ATXN7: variants seen among roughly 807,000 people sequenced by gnomAD.
ATXN7 encodes the protein ataxin 7.
Under a neutral mutation model 70.5 loss-of-function variants are expected in ATXN7, and 12 were observed. The observed-to-expected ratio is 0.17, with a 90% CI of 0.11 to 0.28. ATXN7 has a LOEUF of 0.28. Ranked by LOEUF, ATXN7 falls within the 10% of genes least tolerant of loss-of-function variation. ATXN7 has a pLI of 1.00. For missense variants in ATXN7, 1,256 were observed against 1,131.7 expected (o/e 1.11, Z -1.58); for synonymous variants, 498 against 448.7 (o/e 1.11, Z -1.39).
intron 4 of ATXN7, among the ~76,000 whole-genome samples, chr3:63,935,044 C>G (rs2074633274): frequency 6.6e-6 from 1 of 152,090 alleles, no homozygotes; most frequent in Admixed American, 6.6e-5. Context: ...TATAGAAAGC[C>G]CTGAGCACAG....
chr3:63,872,584 G>A (rs1237608211), intron 1 of ATXN7, among the ~76,000 whole-genome samples: 2 of 152,192 alleles, frequency 1.3e-5, no homozygotes, highest in African/African-American at 2.4e-5. Context: ...GCCATATTCT[G>A]CTAGTCAAAG....
chr3:63,964,532 C>T (rs113636304), intron 5 of ATXN7, among the ~76,000 whole-genome samples: 79 of 152,186 alleles, frequency 5.2e-4, no homozygotes, highest in Non-Finnish European at 2.1e-4. Flanking sequence ...CTGTGTAAAT[C>T]AGGCCATGAA....
chr3:63,978,967 A>G (rs868823562), intron 5 of ATXN7, among the ~76,000 whole-genome samples: 5 of 152,238 alleles, frequency 3.3e-5, no homozygotes, highest in African/African-American at 9.6e-5. Context: ...GATCACATGC[A>G]TTTTAAAACT....
chr3:63,963,335 C>T (rs1345221593), intron 5 of ATXN7, among the ~76,000 whole-genome samples: 1 of 152,108 alleles, frequency 6.6e-6, no homozygotes, highest in Non-Finnish European at 1.5e-5. Context: ...AATATATACA[C>T]CTATAACGTA....
chr3:63,950,131 G>C (rs953943390), intron 4 of ATXN7, among the ~76,000 whole-genome samples: 1 of 151,560 alleles, frequency 6.6e-6, no homozygotes, highest in Admixed American at 6.6e-5. Context: ...TATCTTTTTA[G>C]TTTTACTAGT....
At chr3:63,940,539 A>T (rs894181889) in intron 4 of ATXN7, among the ~76,000 whole-genome samples, 1 of 152,230 alleles carries the variant, frequency 6.6e-6, no homozygotes, top group Non-Finnish European at 1.5e-5. Flanking sequence ...TCATGAGATT[A>T]TAATCATAAC....
intron 5 of ATXN7, among the ~76,000 whole-genome samples, chr3:63,978,556 G>A (rs1225166760): frequency 2.0e-5 from 3 of 152,258 alleles, no homozygotes; most frequent in South Asian, 2.1e-4. Flanking sequence ...GAAAACTGCC[G>A]AACTGAATTT....
At chr3:63,999,145 C>T (rs1409242748) in intron 12 of ATXN7, 3 of 314,984 alleles carry the variant, frequency 9.5e-6, no homozygotes, top group Non-Finnish European at 1.8e-5. Flanking sequence ...TTCAAGGACA[C>T]AAAATCAGTA....
At chr3:63,905,903 A>G (rs893725222) in intron 2 of ATXN7, 2 of 152,208 alleles carry the variant, frequency 1.3e-5, no homozygotes, top group African/African-American at 4.8e-5. Context: ...GCCATAGATG[A>G]TGTCATTTAA....
chr3:63,892,822 T>G (rs1313051507), intron 1 of ATXN7, among the ~76,000 whole-genome samples: 2 of 152,174 alleles, frequency 1.3e-5, no homozygotes, highest in African/African-American at 4.8e-5. Context: ...AATGAAATGT[T>G]GCAGACCCAG....
In ATXN7 at chr3:63,945,914, A is replaced by G. The variant is rs1575933400; in HGVS notation, c.395-6465A>G. ...AAGTACCACACAGGATTCTGTGACG[A>G]GAGTGTGGTGTAGTTCAGGAACAAA... is the stretch of plus-strand genomic sequence containing the variant. On this transcript the variant is annotated intron_variant, in intron 4 of 12. Transcript: ENST00000674280. Among the ~76,000 whole-genome samples, 5 of 152,328 alleles carry G rather than the reference A, an allele frequency of 3.3e-5. No homozygotes were observed. In the South Asian group the frequency reaches 1.0e-3, roughly 32 times the overall value.
rs1553686136 is a variant in ATXN7 at position 63,912,714 on chromosome 3, A to AGCCGCAGCC, written c.121_122insAGCCGCCGC (p.Pro40_Pro41insGlnProPro). 968 of 1,212,626 alleles carry AGCCGCAGCC rather than the reference A, an allele frequency of 8.0e-4. 5 individuals are homozygous for AGCCGCAGCC. The African/African-American group carries it at 0.013, about 17-fold the overall frequency. 75.1% of individuals were successfully genotyped at this position (1,212,626 alleles called of 1,614,324 possible). Reference sequence around the variant, plus strand: ...CAGCAGCAGCAGCAGCAGCAGCAGCAGCCGCCGCCTCCGCAGCCCCAGCGG... The same window carrying AGCCGCAGCC: ...CAGCAGCAGCAGCAGCAGCAGCAGCAGCCGCAGCCGCCGCCGCCTCCGCAGCCCCAGCGG... On this transcript the variant is annotated inframe_insertion, in exon 3 of 13. Transcript: ENST00000674280.
intron 5 of ATXN7, among the ~76,000 whole-genome samples, chr3:63,956,614 A>T (rs568894559): frequency 6.6e-6 from 1 of 152,132 alleles, no homozygotes; most frequent in Admixed American, 6.5e-5. Flanking sequence ...GAACCCAGGA[A>T]TCTGCATTCT....
chr3:63,929,893 C>G (rs1378153532), intron 4 of ATXN7, among the ~76,000 whole-genome samples: 1 of 152,134 alleles, frequency 6.6e-6, no homozygotes, highest in Non-Finnish European at 1.5e-5. Flanking sequence ...CAGAGCCTGT[C>G]CCAGAACCCT....
At chr3:63,864,491 G>T (rs1307857049) in intron 1 of ATXN7, 1 of 152,120 alleles carries the variant, frequency 6.6e-6, no homozygotes, top group Non-Finnish European at 1.5e-5. Flanking sequence ...AAAGGCCCCG[G>T]GTTCCAGGTC....
chr3:63,912,922 C>T lies in ATXN7; in HGVS notation c.324C>T (p.Asp108=). Residue 108 remains aspartate (D), a splice_region_variant and synonymous_variant, in exon 3 of 13, where the codon GAC becomes GAT. Coordinates refer to ENST00000674280, the MANE Select transcript of ATXN7 (RefSeq NM_001377405.1). ...WVEASKLPGK[D]GTELDESFKE... is the part of the protein sequence containing the mutation. ...AGGCTTCCAAACTTCCTGGGAAGGA[C>T]GGTGAGTGTCCACGCCCTCCTCCCC... 5 of 1,610,080 alleles carry T rather than the reference C, an allele frequency of 3.1e-6. No individual in the cohort carries two copies. The highest frequency in any genetic ancestry group is 2.2e-5 in the South Asian group (2 of 91,026).
intron 8 of ATXN7, among the ~76,000 whole-genome samples, chr3:63,985,007 T>A (rs760058779): frequency 7.2e-5 from 11 of 152,232 alleles, no homozygotes; most frequent in Non-Finnish European, 1.5e-4. Context: ...ATGTATATAC[T>A]ATGTTGTCTT....
intron 5 of ATXN7, among the ~76,000 whole-genome samples, chr3:63,957,450 A>C: frequency 6.6e-6 from 1 of 152,234 alleles, no homozygotes; most frequent in Non-Finnish European, 1.5e-5. Flanking sequence ...AATTCCACTT[A>C]GTATTTTTCT....
intron 1 of ATXN7, among the ~76,000 whole-genome samples, chr3:63,881,484 ATTTT>A (rs909777356): frequency 8.3e-6 from 1 of 120,810 alleles, no homozygotes; most frequent in African/African-American, 3.1e-5. Flanking sequence ...TGGTTGGAGC[ATTTT>A]TTTTTTTTTT....
Sources: gnomAD v4.1 joint callset for allele counts (sites outside exome capture counted in the v4.1 genomes callset) on GRCh38, gnomAD v4.1.1 for gene constraint, MANE v1.5 for transcripts, NCBI Gene and HGNC (gene_info 2026-07-23, HGNC 2026-07-21) for gene names.